MIDEAS: variants seen among roughly 807,000 people sequenced by gnomAD.
MIDEAS encodes mitotic deacetylase associated SANT domain protein.
In MIDEAS, 26 loss-of-function variants were observed where a neutral mutation model predicts 102.7. The observed-to-expected ratio is 0.25, with a 90% CI of 0.19 to 0.35. The LOEUF (loss-of-function observed/expected upper bound fraction) is 0.35, where lower values mean the gene tolerates loss of function less well. Among genes scored for constraint, MIDEAS ranks in the 10% least tolerant of loss-of-function variants. The pLI, the probability that MIDEAS is intolerant of heterozygous loss-of-function variation, is 1.00. For missense variants in MIDEAS, 1,231 were observed against 1,435.6 expected, an observed-to-expected ratio of 0.86 and a Z score of 2.30; for synonymous variants, 585 against 591.0, an observed-to-expected ratio of 0.99 and a Z score of 0.15.
At chr14:73,753,475 T>C (rs1202462824) in intron 1 of MIDEAS, among the ~76,000 whole-genome samples, 1 of 152,220 alleles carries the variant, frequency 6.6e-6, no homozygotes, top group Non-Finnish European at 1.5e-5. Context: ...TATTGGTGAA[T>C]GGGCACAACA....
upstream of MIDEAS, among the ~76,000 whole-genome samples, chr14:73,761,219 C>G (rs569317231): frequency 5.9e-5 from 9 of 152,216 alleles, no homozygotes; most frequent in South Asian, 1.9e-3. Flanking sequence ...ACACTGTGGC[C>G]AGACCTGAGA....
chr14:73,762,731 T>C (rs754777771), upstream of MIDEAS, among the ~76,000 whole-genome samples: 3 of 152,188 alleles, frequency 2.0e-5, no homozygotes, highest in African/African-American at 4.8e-5. Context: ...ACCAAGAAGG[T>C]TGACCTTTCA....
chr14:73,724,085 G>C (rs2053030378), intron 9 of MIDEAS: 1 of 152,196 alleles, frequency 6.6e-6, no homozygotes, highest in Non-Finnish European at 1.5e-5. Context: ...ATAGCAAATG[G>C]GGTTAAGTAA....
intron 1 of MIDEAS, among the ~76,000 whole-genome samples, chr14:73,757,911 G>A (rs2140152642): frequency 1.3e-5 from 2 of 152,320 alleles, no homozygotes; most frequent in Non-Finnish European, 2.9e-5. Flanking sequence ...ACTCCAGGGC[G>A]CTCTTTCCTG....
At chr14:73,751,538 C>G (rs772326775) in intron 1 of MIDEAS, among the ~76,000 whole-genome samples, 3 of 151,962 alleles carry the variant, frequency 2.0e-5, no homozygotes, top group Non-Finnish European at 4.4e-5. Context: ...GCATCTTTGC[C>G]TAAGAGGAAG....
intron 1 of MIDEAS, among the ~76,000 whole-genome samples, chr14:73,747,616 G>C (rs1384834286): frequency 6.6e-6 from 1 of 151,062 alleles, no homozygotes; most frequent in Non-Finnish European, 1.5e-5. Flanking sequence ...CTGTGTGGAT[G>C]TCAAGCAGTG....
At chr14:73,728,121 G>A (rs1303700346) in intron 4 of MIDEAS, 1 of 151,718 alleles carries the variant, frequency 6.6e-6, no homozygotes, top group Non-Finnish European at 1.5e-5. Context: ...TCGGCTCAAG[G>A]AGTTGAACCT....
intron 3 of MIDEAS, among the ~76,000 whole-genome samples, chr14:73,731,725 C>T (rs1383429484): frequency 6.6e-6 from 1 of 152,164 alleles, no homozygotes; most frequent in South Asian, 2.1e-4. Context: ...CACGATGTCT[C>T]AGGATGTGCT....
intron 12 of MIDEAS, 83 bp downstream of exon 12, chr14:73,719,222 T>TCCCCCGGCCCCCCCC: frequency 2.0e-6 from 3 of 1,497,104 alleles, no homozygotes; most frequent in Non-Finnish European, 2.7e-6. Flanking sequence ...CTGTACCTCT[T>TCCCCCGGCCCCCCCC]CCCCCTCCCC....
chr14:73,721,520 C>G lies in MIDEAS; in HGVS notation c.2725-11G>C, dbSNP rs2052992653. ...GAACTTTTGGGAAGTCTATGGGGAA[C>G]AAGAACAAGGGCAGTGAGCCTAGAG... On this transcript the variant is annotated splice_polypyrimidine_tract_variant and intron_variant, in intron 10 of 12. Coordinates refer to ENST00000423556, the MANE Select transcript of MIDEAS (RefSeq NM_001367710.1). The G allele has an allele frequency of 6.2e-7, 1 of 1,612,408 alleles. No homozygotes were observed. The highest frequency in any genetic ancestry group is 1.7e-5 in the Admixed American group (1 of 59,992).
chr14:73,730,039 T>A (rs748761872), intron 3 of MIDEAS, 54 bp from the exon 4 acceptor site: 3 of 1,559,062 alleles, frequency 1.9e-6, no homozygotes, highest in Non-Finnish European at 1.8e-6. Context: ...CCAGAGAAAG[T>A]AAAGTCTTAA....
upstream of MIDEAS, among the ~76,000 whole-genome samples, chr14:73,788,347 C>T (rs1595308469): frequency 6.6e-6 from 1 of 152,196 alleles, no homozygotes; most frequent in Non-Finnish European, 1.5e-5. Context: ...TAAAACCTCC[C>T]CCCTTTCAAT....
At chr14:73,776,096 A>G (rs936453576) in intron 1 of MIDEAS, among the ~76,000 whole-genome samples, 1 of 151,962 alleles carries the variant, frequency 6.6e-6, no homozygotes, top group African/African-American at 2.4e-5. Flanking sequence ...TGTGGCCCCA[A>G]GAGTCTCACC....
intron 2 of MIDEAS, 85 bp downstream of exon 2, chr14:73,738,475 C>A: frequency 7.0e-7 from 1 of 1,429,964 alleles, no homozygotes; most frequent in South Asian, 1.6e-5. Flanking sequence ...CTGGCTTTCC[C>A]TAGGCAAGAA....
intron 1 of MIDEAS, among the ~76,000 whole-genome samples, chr14:73,756,294 G>GCGCA (rs2053480445): frequency 1.3e-5 from 1 of 74,950 alleles, no homozygotes; most frequent in Non-Finnish European, 3.3e-5. Flanking sequence ...GTGTGTGTGT[G>GCGCA]TGCGCGCGCG....
intron 1 of MIDEAS, among the ~76,000 whole-genome samples, chr14:73,775,559 T>A (rs2140172846): frequency 6.6e-6 from 1 of 152,160 alleles, no homozygotes; most frequent in Admixed American, 6.5e-5. Context: ...GGATCAGGAA[T>A]CGCTTCCAGT....
At chr14:73,726,736 G>A in intron 6 of MIDEAS, 29 bp from the exon 7 acceptor site, 1 of 1,613,842 alleles carries the variant, frequency 6.2e-7, no homozygotes, top group East Asian at 2.2e-5. Context: ...GAGGAGGGAG[G>A]GGAGGAAACC....
chr14:73,739,248 G>GGTT lies in MIDEAS; in HGVS notation c.758_760dup (p.Gln253dup). On this transcript the variant is annotated inframe_insertion, in exon 2 of 13. Coordinates refer to ENST00000423556, the MANE Select transcript of MIDEAS (RefSeq NM_001367710.1). ...CTGCTGCTGCTGCTGCTGCTGCTGTGGTTGCTGCTGCTGCTGCTGCTTCTG... is the reference window on the plus strand; with the variant it reads ...CTGCTGCTGCTGCTGCTGCTGCTGTGGTTGTTGCTGCTGCTGCTGCTGCTTCTG... 1.2e-6 allele frequency: 2 copies of GGTT among 1,605,562 alleles called. No homozygotes were observed. The highest frequency in any genetic ancestry group is 1.7e-6 in the Non-Finnish European group (2 of 1,178,986).
At chr14:73,722,894 T>A (rs530151534) in intron 9 of MIDEAS, 47 bp from the exon 10 acceptor site, 1 of 1,601,726 alleles carries the variant, frequency 6.2e-7, no homozygotes, top group Admixed American at 1.7e-5. Flanking sequence ...GTTTGGCTCA[T>A]CTGCCTGTGG....
Sources: gnomAD v4.1 joint callset for allele counts (sites outside exome capture counted in the v4.1 genomes callset) on GRCh38, gnomAD v4.1.1 for gene constraint, MANE v1.5 for transcripts, NCBI Gene and HGNC (gene_info 2026-07-23, HGNC 2026-07-21) for gene names.